The following CES4A variants were observed in gnomAD, a reference collection of about 807,000 sequenced individuals.
CES4A encodes carboxylesterase 6.
Under a neutral mutation model 65.4 loss-of-function variants are expected in CES4A, and 48 were observed. That is an observed-to-expected ratio of 0.73 (90% CI 0.58 to 0.93). CES4A has a LOEUF of 0.93. CES4A is among the 40% of genes least tolerant of loss of function. The pLI is 0.00. For missense variants in CES4A, 685 were observed against 728.5 expected (o/e 0.94, Z 0.69); for synonymous variants, 247 against 281.8 (o/e 0.88, Z 1.24).
chr16:66,993,561 C>T (rs540236295), intron 1 of CES4A, among the ~76,000 whole-genome samples: 2 of 152,050 alleles, frequency 1.3e-5, no homozygotes, highest in East Asian at 3.9e-4. Flanking sequence ...CCAGGCTGGT[C>T]TCGAACTCCT....
intron 2 of CES4A, among the ~76,000 whole-genome samples, chr16:66,998,144 A>G (rs1485679606): frequency 6.6e-6 from 1 of 151,878 alleles, no homozygotes; most frequent in African/African-American, 2.4e-5. Flanking sequence ...ATGATGGGAG[A>G]AAGGATGGTC....
At chr16:66,993,073 G>A (rs1236370439) in intron 1 of CES4A, among the ~76,000 whole-genome samples, 3 of 152,174 alleles carry the variant, frequency 2.0e-5, no homozygotes, top group Non-Finnish European at 4.4e-5. Flanking sequence ...AACGACTCTT[G>A]GCAATAGGAG....
Position 67,003,417 on chromosome 16 carries a change from T to C in CES4A, c.900+57T>C. ...CTGCCTGAGGGCCATCCTCCTATCC[T>C]GGTACCCAGCCACCCCCAACTACTT... On this transcript the variant is annotated intron_variant, in intron 7 of 13. Transcript: ENST00000648724. The surrounding 1 kb of genome is among the most constrained non-coding windows in gnomAD (Gnocchi z 4.2). 1 of 1,595,490 alleles carries C rather than the reference T, an allele frequency of 6.3e-7. No homozygotes were observed. The highest frequency in any genetic ancestry group is 8.6e-7 in the Non-Finnish European group (1 of 1,163,332).
intron 5 of CES4A, among the ~76,000 whole-genome samples, chr16:67,002,206 C>T (rs1965414725): frequency 6.6e-6 from 1 of 152,104 alleles, no homozygotes; most frequent in Non-Finnish European, 1.5e-5. Flanking sequence ...GCTCTTGTTG[C>T]CCAGGCTGGA....
chr16:66,991,912 C>G (rs1375933014), intron 1 of CES4A, among the ~76,000 whole-genome samples: 4 of 151,836 alleles, frequency 2.6e-5, no homozygotes, highest in Admixed American at 6.6e-5. Flanking sequence ...AGTTCAAGAC[C>G]AGCCTGGGTA....
intron 2 of CES4A, among the ~76,000 whole-genome samples, chr16:66,996,796 G>A (rs1964891333): frequency 6.6e-6 from 1 of 152,158 alleles, no homozygotes; most frequent in African/African-American, 2.4e-5. Context: ...GCTCACACTT[G>A]TAATACCAGA....
Position 66,997,727 on chromosome 16 carries a change from T to C in CES4A, c.260+1898T>C, listed in dbSNP as rs185951428. Among the ~76,000 whole-genome samples the C allele has an allele frequency of 1.8e-4, 28 of 152,084 alleles. No homozygotes were observed. The East Asian group carries it at 4.8e-3, about 26-fold the overall frequency. On this transcript the variant is annotated intron_variant, in intron 2 of 13. Transcript: ENST00000648724. ...GGCTCATGCCTGTAATTCCAGCACT[T>C]TGGGAGGCCGAGGCAGGAAATCACT...
chr16:66,997,319 G>C (rs1964933860), intron 2 of CES4A, among the ~76,000 whole-genome samples: 1 of 152,160 alleles, frequency 6.6e-6, no homozygotes, highest in South Asian at 2.1e-4. Flanking sequence ...GTTAGAAACT[G>C]ACCATGAGCT....
chr16:66,996,720 T>C (rs1260889711), intron 2 of CES4A, among the ~76,000 whole-genome samples: 4 of 152,088 alleles, frequency 2.6e-5, no homozygotes, highest in Non-Finnish European at 5.9e-5. Context: ...TCAGCTGATA[T>C]AAAAAGATAC....
intron 1 of CES4A, among the ~76,000 whole-genome samples, chr16:66,989,504 G>A (rs1234732270): frequency 2.0e-5 from 3 of 151,922 alleles, no homozygotes; most frequent in African/African-American, 7.3e-5. Flanking sequence ...AGACCAGCCT[G>A]GGCAAATAGT....
At chr16:66,994,666 C>T (rs1392232568) in intron 1 of CES4A, among the ~76,000 whole-genome samples, 1 of 143,678 alleles carries the variant, frequency 7.0e-6, no homozygotes, top group Admixed American at 6.9e-5. Context: ...ACGGTGAAAC[C>T]CCATCTCTAC....
In CES4A at chr16:66,998,181, G is replaced by A. The variant is rs561583500; in HGVS notation, c.260+2352G>A. ...GAAAAAAAAACAAAAACTGAGGGTC[G>A]AGGACTGGGCACTCTCATGCTTAGG... On this transcript the variant is annotated intron_variant, in intron 2 of 13. Coordinates refer to ENST00000648724, the Ensembl canonical transcript of CES4A. 8.0e-4 allele frequency among the ~76,000 whole-genome samples: 121 copies of A among 152,154 alleles called. 2 individuals are homozygous for A. The highest frequency in any genetic ancestry group is 2.7e-3 in the African/African-American group (114 of 41,516).
intron 2 of CES4A, among the ~76,000 whole-genome samples, chr16:66,996,386 G>A (rs569338222): frequency 3.9e-5 from 6 of 152,246 alleles, no homozygotes; most frequent in East Asian, 1.9e-4. Flanking sequence ...GGCTGTCACC[G>A]ACCGTGCTCC....
chr16:67,007,007 T>C, intron 13 of CES4A, 190 bp downstream of exon 13: 1 of 585,880 alleles, frequency 1.7e-6, no homozygotes, highest in Admixed American at 3.1e-5. Flanking sequence ...AATGTGTCCT[T>C]CTTGATCCAT....
At chr16:66,993,937 T>C (rs1382924277) in intron 1 of CES4A, among the ~76,000 whole-genome samples, 1 of 151,172 alleles carries the variant, frequency 6.6e-6, no homozygotes, top group East Asian at 2.1e-4. Flanking sequence ...GTGTCTCTAC[T>C]AAAAATACAA....
intron 13 of CES4A, chr16:67,008,710 T>A (rs1597106958): frequency 5.2e-6 from 2 of 387,288 alleles, no homozygotes; most frequent in Non-Finnish European, 9.4e-6. Flanking sequence ...ACACACACAC[T>A]CTGTTTTTAC....
intron 2 of CES4A, among the ~76,000 whole-genome samples, chr16:66,997,170 C>CAGT (rs1700562114): frequency 6.6e-6 from 1 of 151,978 alleles, no homozygotes. Flanking sequence ...GATAAGATCC[C>CAGT]AGTTATCCTG....
chr16:66,994,731 C>T (rs958024039), intron 1 of CES4A, among the ~76,000 whole-genome samples: 25 of 150,384 alleles, frequency 1.7e-4, no homozygotes, highest in African/African-American at 5.6e-4. Context: ...TCCAGCTACT[C>T]GGGAGGCCGA....
intron 11 of CES4A, 70 bp from the exon 12 acceptor site, chr16:67,006,320 GA>G (rs1965754734): frequency 2.0e-6 from 3 of 1,506,998 alleles, no homozygotes; most frequent in African/African-American, 2.8e-5. Context: ...AGGTGAGTGG[GA>G]GGCATGGGGT....
Sources: gnomAD v4.1 joint callset for allele counts (sites outside exome capture counted in the v4.1 genomes callset) on GRCh38, gnomAD v4.1.1 for gene constraint, Gnocchi (gnomAD v3.1) non-coding constraint, MANE v1.5 for transcripts, NCBI Gene and HGNC (gene_info 2026-07-23, HGNC 2026-07-21) for gene names.